Variants in PIBF1 observed in about 807,000 individuals in gnomAD.
PIBF1 encodes the protein progesterone immunomodulatory binding factor 1.
A neutral mutation model predicts 112.5 loss-of-function variants in PIBF1; 90 were observed. The observed-to-expected ratio is 0.80, with a 90% confidence interval of 0.67 to 0.95. PIBF1 has a LOEUF of 0.95. Ranked by LOEUF, PIBF1 falls within the 40% of genes least tolerant of loss-of-function variation. The probability of loss-of-function intolerance (pLI) is 0.00; values close to 1 mark genes in which losing one functional copy is unlikely to be tolerated. For synonymous variants in PIBF1, 301 were observed against 288.6 expected, an observed-to-expected ratio of 1.04 and a Z score of -0.44; for missense variants, 915 against 852.3, an observed-to-expected ratio of 1.07 and a Z score of -0.92.
chr13:72,998,261 G>A (rs1173478040), intron 16 of PIBF1, among the ~76,000 whole-genome samples: 2 of 152,132 alleles, frequency 1.3e-5, no homozygotes, highest in African/African-American at 4.8e-5. Flanking sequence ...CTATGCCAGT[G>A]GTTCCCAAAT....
chr13:72,797,745 A>C (rs909260333), intron 4 of PIBF1, among the ~76,000 whole-genome samples, 162 bp from the exon 5 acceptor site: 3 of 152,172 alleles, frequency 2.0e-5, no homozygotes, highest in Admixed American at 6.5e-5. Flanking sequence ...ATTGAACATT[A>C]AGGCTTGATA....
At chr13:72,997,347 A>C (rs971398737) in intron 16 of PIBF1, among the ~76,000 whole-genome samples, 1 of 152,204 alleles carries the variant, frequency 6.6e-6, no homozygotes, top group Non-Finnish European at 1.5e-5. Flanking sequence ...GGAGCATATA[A>C]ATGAAACAAC....
In PIBF1 at chr13:72,975,054, C is replaced by CTTT. The variant is rs568515289; in HGVS notation, c.2049+1395_2049+1397dup. On this transcript the variant is annotated intron_variant, in intron 16 of 17. Transcript: ENST00000326291. Reference sequence around the variant, plus strand: ...TTTGTTATTCTAATAGAAAAAGAAACTTTTTTTTTTTTTTTTTTGGAGACA... The same window carrying CTTT: ...TTTGTTATTCTAATAGAAAAAGAAACTTTTTTTTTTTTTTTTTTTTTGGAGACA... 6.1e-3 allele frequency among the ~76,000 whole-genome samples: 833 copies of CTTT among 136,048 alleles called. 11 individuals are homozygous for CTTT. The highest frequency in any genetic ancestry group is 0.022 in the African/African-American group (804 of 37,098). The allele number at this position is 136,048 out of a possible 152,430, so 89.3% of individuals were successfully genotyped here.
At chr13:72,989,052 G>T (rs1323872759) in intron 16 of PIBF1, among the ~76,000 whole-genome samples, 1 of 151,988 alleles carries the variant, frequency 6.6e-6, no homozygotes, top group Non-Finnish European at 1.5e-5. Context: ...AAAAGAAAAA[G>T]AAATTATCTG....
chr13:72,902,845 T>C (rs2040547843), intron 11 of PIBF1, among the ~76,000 whole-genome samples: 1 of 152,252 alleles, frequency 6.6e-6, no homozygotes, highest in East Asian at 1.9e-4. Flanking sequence ...GACTATGGTT[T>C]ACATGTTCAG....
In PIBF1 at chr13:72,783,463, A is replaced by C; in HGVS notation, c.-7A>C. 1 of 1,562,232 alleles carries C rather than the reference A, an allele frequency of 6.4e-7. No homozygotes were observed. Among genetic ancestry groups the C allele is most frequent in the Non-Finnish European group, 8.8e-7 (1 of 1,140,670 alleles). ...TTAGAGAAGAAAACTGATCCATAAT[A>C]ATAAAAATGTCTCGAAAAATTTCAA... On this transcript the variant is annotated 5_prime_UTR_variant, in exon 2 of 18. Transcript: ENST00000326291.
chr13:72,899,307 A>G (rs2138603659), intron 11 of PIBF1, among the ~76,000 whole-genome samples: 1 of 152,296 alleles, frequency 6.6e-6, no homozygotes, highest in Admixed American at 6.5e-5. Context: ...CAAACCAGGA[A>G]AGGATACAAC....
chr13:72,943,252 A>G (rs1048312376), intron 14 of PIBF1, among the ~76,000 whole-genome samples: 2 of 152,184 alleles, frequency 1.3e-5, no homozygotes, highest in African/African-American at 4.8e-5. Context: ...ATGCAAACAT[A>G]AAGTTAGATA....
chr13:72,993,416 G>A (rs960654566), intron 16 of PIBF1, among the ~76,000 whole-genome samples: 5 of 152,126 alleles, frequency 3.3e-5, no homozygotes, highest in Admixed American at 2.6e-4. Context: ...AAGTAAAACT[G>A]CCAATAGAGG....
intron 17 of PIBF1, among the ~76,000 whole-genome samples, chr13:73,001,830 G>A (rs949463554): frequency 6.6e-6 from 1 of 151,918 alleles, no homozygotes; most frequent in Non-Finnish European, 1.5e-5. Flanking sequence ...CACCATGTTG[G>A]TCAGGCTGGT....
rs113848993 is a variant in PIBF1 at position 72,820,826 on chromosome 13, A to G, written c.673-1023A>G. On this transcript the variant is annotated intron_variant, in intron 5 of 17. Coordinates refer to ENST00000326291, the MANE Select transcript of PIBF1 (RefSeq NM_006346.4). Reference sequence around the variant, plus strand: ...TTGGTTGCAAGATTTGATGAGTTCAAAGAAGGAAAATAAGTAGGAATTTAG... The same window carrying G: ...TTGGTTGCAAGATTTGATGAGTTCAGAGAAGGAAAATAAGTAGGAATTTAG... 4.5e-3 allele frequency among the ~76,000 whole-genome samples: 684 copies of G among 152,292 alleles called. 9 individuals are homozygous for G. Among genetic ancestry groups the G allele is most frequent in the African/African-American group, 0.015 (634 of 41,570 alleles).
intron 5 of PIBF1, among the ~76,000 whole-genome samples, chr13:72,807,547 C>T (rs1262413991): frequency 6.7e-6 from 1 of 149,418 alleles, no homozygotes; most frequent in Non-Finnish European, 1.5e-5. Flanking sequence ...TGCACTCCAA[C>T]CTGGGCAACA....
intron 16 of PIBF1, among the ~76,000 whole-genome samples, chr13:72,981,154 A>C (rs1480243959): frequency 6.6e-6 from 1 of 151,876 alleles, no homozygotes; most frequent in African/African-American, 2.4e-5. Context: ...CTGCGGCAGG[A>C]GAATCACTTG....
chr13:72,893,920 G>A lies in PIBF1; in HGVS notation c.1459G>A (p.Glu487Lys). ...AAGAAATCTCACACAGTGTCAATTG[G>A]AATGTGAAAAATATCAGAAAAAATT... ...TARNLTQCQL[E>K]CEKYQKKLEV... The change falls in exon 11 of 18, where the codon GAA becomes AAA. Residue 487 changes from glutamate to lysine, a missense_variant. By Grantham distance (56) the Glu-to-Lys change is moderately conservative. Coordinates refer to ENST00000326291, the MANE Select transcript of PIBF1 (RefSeq NM_006346.4). 6.2e-7 allele frequency: 1 copy of A among 1,603,220 alleles called. No individual in the cohort carries two copies. Among genetic ancestry groups the A allele is most frequent in the Non-Finnish European group, 8.5e-7 (1 of 1,175,278 alleles).
intron 4 of PIBF1, 75 bp downstream of exon 4, chr13:72,795,632 T>G (rs1415437053): frequency 2.2e-6 from 2 of 916,058 alleles, no homozygotes; most frequent in Non-Finnish European, 3.4e-6. Context: ...TAGTAGCAAT[T>G]ACTTTTGAAG....
chr13:72,949,298 G>GTTTTTTT (rs1566481285), intron 14 of PIBF1, among the ~76,000 whole-genome samples: 1 of 80,910 alleles, frequency 1.2e-5, no homozygotes, highest in Non-Finnish European at 2.4e-5. Flanking sequence ...ACAAATAGCT[G>GTTTTTTT]TCTTTTTTTT....
intron 9 of PIBF1, among the ~76,000 whole-genome samples, chr13:72,844,756 C>T (rs2037771601): frequency 8.7e-6 from 1 of 115,198 alleles, no homozygotes; most frequent in African/African-American, 3.3e-5. Flanking sequence ...CACACACACA[C>T]ACACACACAC....
chr13:72,819,960 T>G (rs908592121), intron 5 of PIBF1, among the ~76,000 whole-genome samples: 3 of 152,140 alleles, frequency 2.0e-5, no homozygotes, highest in Admixed American at 2.0e-4. Flanking sequence ...TTGCCCATCC[T>G]TTAATGTTTA....
intron 9 of PIBF1, among the ~76,000 whole-genome samples, chr13:72,843,130 G>A (rs1475082879): frequency 6.6e-6 from 1 of 152,214 alleles, no homozygotes; most frequent in Admixed American, 6.5e-5. Context: ...AGGTTTTATA[G>A]TAGGAAAGAA....
Sources: gnomAD v4.1 joint callset for allele counts (sites outside exome capture counted in the v4.1 genomes callset) on GRCh38, gnomAD v4.1.1 for gene constraint, MANE v1.5 for transcripts, NCBI Gene and HGNC (gene_info 2026-07-23, HGNC 2026-07-21) for gene names.